PDE8A: variants seen among roughly 807,000 people sequenced by gnomAD.
PDE8A encodes the protein phosphodiesterase 8A.
In PDE8A, 59 loss-of-function variants were observed where a neutral mutation model predicts 105.0. The ratio of observed to expected loss-of-function variants is 0.56; its 90% CI spans 0.46 to 0.70. The LOEUF is 0.70. Ranked by LOEUF, PDE8A falls within the 30% of genes least tolerant of loss-of-function variation. PDE8A has a pLI of 0.00. For synonymous variants in PDE8A, 355 were observed against 371.9 expected (o/e 0.95, Z 0.52); for missense variants, 1,014 against 1,045.9 (o/e 0.97, Z 0.42).
chr15:85,054,146 T>A (rs1293135302), intron 1 of PDE8A, among the ~76,000 whole-genome samples: 1 of 152,162 alleles, frequency 6.6e-6, no homozygotes, highest in African/African-American at 2.4e-5. Context: ...GTTGAACCAG[T>A]CTTGCATCCC....
At chr15:85,038,708 T>C (rs1341732148) in intron 1 of PDE8A, among the ~76,000 whole-genome samples, 1 of 152,150 alleles carries the variant, frequency 6.6e-6, no homozygotes, top group Non-Finnish European at 1.5e-5. Flanking sequence ...TCAGAAGATA[T>C]ACAGATGGCT....
At chr15:85,065,726 C>T (rs1420199059) in intron 2 of PDE8A, among the ~76,000 whole-genome samples, 1 of 152,238 alleles carries the variant, frequency 6.6e-6, no homozygotes, top group Non-Finnish European at 1.5e-5. Context: ...CTCCTCCTTA[C>T]CACTGTTGCC....
At chr15:85,133,493 G>T (rs1184989163) in intron 20 of PDE8A, among the ~76,000 whole-genome samples, 1 of 152,176 alleles carries the variant, frequency 6.6e-6, no homozygotes, top group Non-Finnish European at 1.5e-5. Context: ...GAAGTGTGGT[G>T]CAAGGTTGAG....
chr15:85,130,585 T>C (rs2082317088), intron 20 of PDE8A, among the ~76,000 whole-genome samples: 1 of 152,198 alleles, frequency 6.6e-6, no homozygotes, highest in Non-Finnish European at 1.5e-5. Flanking sequence ...TTAGGTCCAG[T>C]TGGCCTAGAG....
Position 85,138,153 on chromosome 15 carries a change from G to T in PDE8A, c.*250G>T. The T allele has an allele frequency of 2.5e-6, 1 of 401,046 alleles. No homozygotes were observed. The highest frequency in any genetic ancestry group is 4.5e-6 in the Non-Finnish European group (1 of 221,780). 24.8% of individuals were successfully genotyped at this position (401,046 alleles called of 1,614,324 possible). On this transcript the variant is annotated 3_prime_UTR_variant, in exon 22 of 22. Coordinates refer to ENST00000394553, the MANE Select transcript of PDE8A (RefSeq NM_002605.3). ...CTTCAGAAAGGCACATGAGGACCACGGTTTGCCTCAGTTTCTGGTAAAACA... is the reference window on the plus strand; with the variant it reads ...CTTCAGAAAGGCACATGAGGACCACTGTTTGCCTCAGTTTCTGGTAAAACA...
chr15:85,066,580 C>CAA (rs1468513866), intron 2 of PDE8A, among the ~76,000 whole-genome samples: 2 of 107,128 alleles, frequency 1.9e-5, no homozygotes, highest in African/African-American at 7.3e-5. Context: ...ACCATCCCCC[C>CAA]AAAACACACA....
chr15:85,117,118 T>G (rs2082108326), intron 16 of PDE8A, among the ~76,000 whole-genome samples: 1 of 152,212 alleles, frequency 6.6e-6, no homozygotes, highest in African/African-American at 2.4e-5. Context: ...GGAAATCCCC[T>G]CATACTTTTA....
intron 3 of PDE8A, among the ~76,000 whole-genome samples, chr15:85,068,899 CAT>C (rs2081271756): frequency 6.6e-6 from 1 of 152,134 alleles, no homozygotes; most frequent in East Asian, 1.9e-4. Context: ...GTAAAAGAAA[CAT>C]AACATTAACT....
chr15:85,112,405 T>C (rs1362643993), intron 12 of PDE8A, among the ~76,000 whole-genome samples: 2 of 152,244 alleles, frequency 1.3e-5, no homozygotes, highest in Non-Finnish European at 2.9e-5. Flanking sequence ...TACAAGCATA[T>C]ATCAATTATT....
At chr15:85,130,256 C>T (rs1022939369) in intron 20 of PDE8A, among the ~76,000 whole-genome samples, 4 of 152,208 alleles carry the variant, frequency 2.6e-5, no homozygotes, top group African/African-American at 9.7e-5. Flanking sequence ...ATGACCCAAA[C>T]ACATCCCACC....
chr15:85,113,267 C>T (rs537487659), intron 12 of PDE8A, 110 bp from the exon 13 acceptor site: 2 of 882,824 alleles, frequency 2.3e-6, no homozygotes, highest in East Asian at 2.4e-5. Flanking sequence ...TCAGCAAACT[C>T]AGTTCTATCC....
rs756756131 is a variant in PDE8A at position 85,079,614 on chromosome 15, TAGAA to T, written c.546+2832_546+2835del. Among the ~76,000 whole-genome samples the T allele has an allele frequency of 5.9e-5, 9 of 152,060 alleles. No individual in the cohort carries two copies. In the South Asian group the frequency reaches 8.3e-4, roughly 14 times the overall value. On this transcript the variant is annotated intron_variant, in intron 5 of 21. Transcript: ENST00000394553. ...AATCAGTGAGAAACACAAAGTCAGA[TAGAA>T]AGAATAGAAGCAGGCTGGGCACGGT...
At chr15:85,103,222 A>C (rs1396645306) in intron 11 of PDE8A, among the ~76,000 whole-genome samples, 1 of 152,186 alleles carries the variant, frequency 6.6e-6, no homozygotes, top group Non-Finnish European at 1.5e-5. Context: ...TCTGTCTAAA[A>C]AAAGAAAAAA....
At chr15:84,994,846 C>T (rs750942791) in intron 1 of PDE8A, among the ~76,000 whole-genome samples, 10 of 151,938 alleles carry the variant, frequency 6.6e-5, no homozygotes, top group Admixed American at 5.2e-4. Context: ...TGCCTATAAT[C>T]CTAGCTACTA....
intron 1 of PDE8A, among the ~76,000 whole-genome samples, chr15:84,986,972 C>T (rs1469437351): frequency 6.6e-6 from 1 of 152,080 alleles, no homozygotes; most frequent in Non-Finnish European, 1.5e-5. Flanking sequence ...TGTGTGTGAC[C>T]TGACTGATTT....
upstream of PDE8A, among the ~76,000 whole-genome samples, chr15:84,980,860 G>C (rs2079695220): frequency 6.6e-6 from 1 of 152,164 alleles, no homozygotes; most frequent in South Asian, 2.1e-4. Flanking sequence ...CCTGCAGCCT[G>C]CCCGGTGCTG....
At chr15:85,131,235 C>G (rs1006027887) in intron 20 of PDE8A, among the ~76,000 whole-genome samples, 2 of 152,102 alleles carry the variant, frequency 1.3e-5, no homozygotes, top group Non-Finnish European at 2.9e-5. Flanking sequence ...TTTTCTTATC[C>G]ATTCTGACAG....
chr15:85,103,098 A>G (rs914114200), intron 11 of PDE8A, among the ~76,000 whole-genome samples: 11 of 151,068 alleles, frequency 7.3e-5, no homozygotes, highest in Admixed American at 7.2e-4. Context: ...GACACGCGCC[A>G]GTAGTCCCAG....
intron 5 of PDE8A, among the ~76,000 whole-genome samples, chr15:85,078,564 A>G (rs1235830272): frequency 2.0e-5 from 3 of 150,358 alleles, no homozygotes; most frequent in South Asian, 2.1e-4. Context: ...AAAAAAAAAA[A>G]AAAAAAGAAA....
Sources: gnomAD v4.1 joint callset for allele counts (sites outside exome capture counted in the v4.1 genomes callset) on GRCh38, gnomAD v4.1.1 for gene constraint, MANE v1.5 for transcripts, NCBI Gene and HGNC (gene_info 2026-07-23, HGNC 2026-07-21) for gene names.